The following DLC1 variants were observed in gnomAD, a reference collection of about 807,000 sequenced individuals.
The protein encoded by DLC1 is rho GTPase-activating protein 7.
In DLC1, 54 loss-of-function variants were observed where a neutral mutation model predicts 140.3. That is an observed-to-expected ratio of 0.38 (90% CI 0.31 to 0.48). The LOEUF (loss-of-function observed/expected upper bound fraction) is 0.48, where lower values mean the gene tolerates loss of function less well. DLC1 is among the 20% of genes least tolerant of loss of function. DLC1 has a pLI of 0.96. For missense variants in DLC1, 2,536 were observed against 1,907.0 expected (o/e 1.33, Z -6.14); for synonymous variants, 986 against 728.1 (o/e 1.35, Z -5.70).
At chr8:13,196,691 T>G (rs1827079673) in intron 5 of DLC1, among the ~76,000 whole-genome samples, 1 of 152,244 alleles carries the variant, frequency 6.6e-6, no homozygotes, top group South Asian at 2.1e-4. Flanking sequence ...TCATCTGTGC[T>G]TATTATCCTT....
At chr8:13,178,417 C>T (rs1487268096) in intron 5 of DLC1, among the ~76,000 whole-genome samples, 2 of 151,910 alleles carry the variant, frequency 1.3e-5, no homozygotes, top group African/African-American at 2.4e-5. Flanking sequence ...AAAAAATTAG[C>T]CAGGCGTGGT....
At chr8:13,437,713 G>A (rs957085702) in intron 2 of DLC1, among the ~76,000 whole-genome samples, 24 of 152,140 alleles carry the variant, frequency 1.6e-4, no homozygotes, top group Admixed American at 1.4e-3. Flanking sequence ...CTATCTTTCA[G>A]TCCATGACCT....
chr8:13,585,398 C>G (rs1215970938), intron 1 of DLC1, among the ~76,000 whole-genome samples: 1 of 151,784 alleles, frequency 6.6e-6, no homozygotes, highest in Admixed American at 6.6e-5. Context: ...ACTCTCATCT[C>G]TATAAAAAAT....
At chr8:13,590,783 T>A (rs1805491200) in intron 1 of DLC1, among the ~76,000 whole-genome samples, 1 of 152,152 alleles carries the variant, frequency 6.6e-6, no homozygotes, top group Non-Finnish European at 1.5e-5. Flanking sequence ...CTATAATTTA[T>A]TTACTCCATG....
chr8:13,277,272 C>A (rs1277491304), intron 5 of DLC1, among the ~76,000 whole-genome samples: 2 of 152,116 alleles, frequency 1.3e-5, no homozygotes, highest in Non-Finnish European at 2.9e-5. Context: ...TGGTCACCCC[C>A]ACTGCTCTCC....
At chr8:13,442,783 G>T (rs1798582119) in intron 2 of DLC1, among the ~76,000 whole-genome samples, 1 of 152,228 alleles carries the variant, frequency 6.6e-6, no homozygotes, top group Admixed American at 6.5e-5. Flanking sequence ...AACCATTGTG[G>T]AAGTCAGTGT....
In DLC1 at chr8:13,552,637, A is replaced by G. The variant is rs188785994; in HGVS notation, c.-126+51900T>C. Among the ~76,000 whole-genome samples, 327 of 151,752 alleles carry G rather than the reference A, an allele frequency of 2.2e-3. 1 individual carries two copies. The highest frequency in any genetic ancestry group is 3.7e-3 in the Non-Finnish European group (249 of 67,708). On this transcript the variant is annotated intron_variant, in intron 1 of 1. Coordinates refer to the DLC1 transcript ENST00000631382. The stretch of plus-strand genomic sequence containing the variant: ...CTATGTACTAGAAATGTGTTCATAG[A>G]GTATTAATTTCTGAGAATATTAACA...
At chr8:13,431,861 A>G (rs1838894308) in intron 2 of DLC1, among the ~76,000 whole-genome samples, 1 of 152,094 alleles carries the variant, frequency 6.6e-6, no homozygotes, top group South Asian at 2.1e-4. Context: ...TGGAGACATA[A>G]AAAGATTCAG....
chr8:13,433,786 G>C (rs1384951706), intron 2 of DLC1, among the ~76,000 whole-genome samples: 1 of 152,102 alleles, frequency 6.6e-6, no homozygotes, highest in Admixed American at 6.5e-5. Context: ...CAAATACACT[G>C]TGTTCATTCC....
chr8:13,108,190 T>A (rs994159769), intron 7 of DLC1, among the ~76,000 whole-genome samples: 22 of 152,208 alleles, frequency 1.4e-4, no homozygotes, highest in Non-Finnish European at 3.1e-4. Context: ...ACAAGAGCCC[T>A]GGGGTTTTCC....
chr8:13,570,772 C>T (rs947371167), intron 1 of DLC1, among the ~76,000 whole-genome samples: 2 of 152,108 alleles, frequency 1.3e-5, no homozygotes, highest in Non-Finnish European at 2.9e-5. Flanking sequence ...CGTCTTCATT[C>T]AGCTCTCAAA....
At chr8:13,194,882 C>T (rs6985817) in intron 5 of DLC1, among the ~76,000 whole-genome samples, 67,985 of 151,778 alleles carry the variant, frequency 0.45, 15,912 homozygotes, top group East Asian at 0.84. Flanking sequence ...TGGTGGCATG[C>T]GCCTGTGGTA....
intron 5 of DLC1, among the ~76,000 whole-genome samples, chr8:13,299,589 C>T (rs188165431): frequency 4.0e-5 from 6 of 149,864 alleles, no homozygotes; most frequent in African/African-American, 1.2e-4. Flanking sequence ...AAGATGAAAG[C>T]AGAGAGCTAC....
At chr8:13,089,618 C>G (rs1817876949) in intron 15 of DLC1, among the ~76,000 whole-genome samples, 1 of 152,156 alleles carries the variant, frequency 6.6e-6, no homozygotes, top group Non-Finnish European at 1.5e-5. Context: ...GAGCAAGACT[C>G]CATCTCAAAA....
chr8:13,429,348 A>C (rs1838753974), intron 2 of DLC1, among the ~76,000 whole-genome samples: 1 of 152,232 alleles, frequency 6.6e-6, no homozygotes, highest in African/African-American at 2.4e-5. Flanking sequence ...ATAGAAGGAT[A>C]AACTGTTGAG....
intron 2 of DLC1, among the ~76,000 whole-genome samples, chr8:13,438,701 A>G (rs1839231820): frequency 6.6e-6 from 1 of 152,122 alleles, no homozygotes; most frequent in Non-Finnish European, 1.5e-5. Flanking sequence ...TGATTTTCAC[A>G]GGCTCACTTC....
chr8:13,399,134 A>T (rs1375256820), intron 3 of DLC1, among the ~76,000 whole-genome samples: 1 of 152,124 alleles, frequency 6.6e-6, no homozygotes, highest in East Asian at 1.9e-4. Context: ...ATCCCAAGAG[A>T]CCGTCAACTT....
chr8:13,406,000 ATTC>A (rs1271601777), intron 2 of DLC1, among the ~76,000 whole-genome samples: 10 of 33,342 alleles, frequency 3.0e-4, no homozygotes, highest in Admixed American at 1.3e-3. Context: ...CTCTTTCTTT[ATTC>A]TTCTTCTTTT....
chr8:13,200,625 G>C (rs1161590131), intron 5 of DLC1, among the ~76,000 whole-genome samples: 1 of 151,920 alleles, frequency 6.6e-6, no homozygotes, highest in African/African-American at 2.4e-5. Context: ...TTTTTAGAGA[G>C]GCAGAGTCTC....
Sources: allele counts gnomAD v4.1 joint callset (sites outside exome capture counted in the v4.1 genomes callset), GRCh38; gene constraint gnomAD v4.1.1; transcripts MANE v1.5; gene names NCBI Gene and HGNC (gene_info 2026-07-23, HGNC 2026-07-21).